Variants in MEIS2 observed in about 807,000 individuals in gnomAD.
MEIS2 encodes the protein Meis homeobox 2.
Under a neutral mutation model 58.6 loss-of-function variants are expected in MEIS2, and 9 were observed. That is an observed-to-expected ratio of 0.15 (90% CI 0.09 to 0.27). The LOEUF is 0.27. Among genes scored for constraint, MEIS2 ranks in the 10% least tolerant of loss-of-function variants. The pLI, the probability that MEIS2 is intolerant of heterozygous loss-of-function variation, is 1.00. For synonymous variants in MEIS2, 221 were observed against 228.4 expected (o/e 0.97, Z 0.29); for missense variants, 427 against 635.0 (o/e 0.67, Z 3.52).
intron 8 of MEIS2, among the ~76,000 whole-genome samples, chr15:36,980,327 G>T (rs373008196): frequency 6.6e-6 from 1 of 151,946 alleles, no homozygotes; most frequent in Non-Finnish European, 1.5e-5. Context: ...TCGTTTTCAC[G>T]CTGCTAATAA....
intron 8 of MEIS2, among the ~76,000 whole-genome samples, chr15:37,032,416 GTTTC>G (rs2061968056): frequency 6.6e-6 from 1 of 152,118 alleles, no homozygotes; most frequent in African/African-American, 2.4e-5. Context: ...ATTGCTTGCT[GTTTC>G]TTTCTTTATC....
At chr15:37,085,963 A>G (rs564051815) in intron 6 of MEIS2, among the ~76,000 whole-genome samples, 1 of 152,200 alleles carries the variant, frequency 6.6e-6, no homozygotes, top group Non-Finnish European at 1.5e-5. Flanking sequence ...GAAAGAAAAG[A>G]AAAAGAAGCA....
intron 4 of MEIS2, chr15:37,095,064 G>A (rs1462548448): frequency 1.2e-5 from 2 of 167,926 alleles, no homozygotes; most frequent in Non-Finnish European, 2.6e-5. Context: ...CTGAGGCAGG[G>A]CCTTTGAAAG....
chr15:36,940,335 TA>T (rs769390189), intron 9 of MEIS2, among the ~76,000 whole-genome samples: 3 of 152,162 alleles, frequency 2.0e-5, no homozygotes, highest in Non-Finnish European at 4.4e-5. Context: ...TCATTCTCCA[TA>T]AGCGCCATTT....
chr15:36,977,065 G>A (rs2059783904), intron 8 of MEIS2, among the ~76,000 whole-genome samples: 1 of 152,188 alleles, frequency 6.6e-6, no homozygotes, highest in Non-Finnish European at 1.5e-5. Context: ...GGTGGAGGTT[G>A]CAGTGAGCCA....
At chr15:36,919,233 A>G (rs998567625) in intron 9 of MEIS2, among the ~76,000 whole-genome samples, 1 of 152,214 alleles carries the variant, frequency 6.6e-6, no homozygotes, top group African/African-American at 2.4e-5. Context: ...ATATTTGGAT[A>G]AATTTTTGGA....
intron 6 of MEIS2, among the ~76,000 whole-genome samples, chr15:37,092,558 C>T (rs1473909209): frequency 6.6e-6 from 1 of 152,000 alleles, no homozygotes; most frequent in Non-Finnish European, 1.5e-5. Flanking sequence ...ACCCTGTCCC[C>T]CATTTCCAGG....
intron 9 of MEIS2, among the ~76,000 whole-genome samples, chr15:36,948,686 G>A (rs2058657355): frequency 6.6e-6 from 1 of 151,982 alleles, no homozygotes; most frequent in African/African-American, 2.4e-5. Context: ...GAGCAAACAA[G>A]TCTCCTGTAG....
At chr15:37,011,019 A>G (rs75272087) in intron 8 of MEIS2, among the ~76,000 whole-genome samples, 5,872 of 152,312 alleles carry the variant, frequency 0.039, 271 homozygotes, top group East Asian at 0.19. Context: ...AAACAAAACA[A>G]TAGTCTATTG....
At chr15:36,964,548 A>G (rs929883409) in intron 8 of MEIS2, among the ~76,000 whole-genome samples, 3 of 152,246 alleles carry the variant, frequency 2.0e-5, no homozygotes, top group African/African-American at 4.8e-5. Flanking sequence ...ATTCATTTAC[A>G]TTAATGAAAA....
chr15:37,101,303 CGTGTGTGTGTGTGTGTGTGTGTGTGTGT>C (rs371810726), upstream of MEIS2: 2 of 128,442 alleles, frequency 1.6e-5, no homozygotes, highest in African/African-American at 3.0e-5. Flanking sequence ...TAGCCAAAGG[CGTGTGTGTGTGTGTGTGTGTGTGTGTGT>C]GTGTGTGTGT....
rs761532678 is a variant in MEIS2 at position 37,096,346 on chromosome 15, G to A, written c.330C>T (p.Gly110=). ...AGGAGTCGGAGGAGCAGACGTCTCCGCCAGCCACTCCAGGTTCCCGGGGAG... is the reference window on the plus strand; with the variant it reads ...AGGAGTCGGAGGAGCAGACGTCTCCACCAGCCACTCCAGGTTCCCGGGGAG... ...TCTPREPGVA[G]GDVCSSDSFN... The change falls in exon 3 of 12, where the codon GGC becomes GGT. Residue 110 remains glycine (G), a synonymous_variant. Coordinates refer to ENST00000561208, the MANE Select transcript of MEIS2 (RefSeq NM_170675.5). The A allele has an allele frequency of 3.8e-6, 6 of 1,597,776 alleles. No homozygotes were observed. In the African/African-American group the frequency reaches 8.0e-5, roughly 21 times the overall value.
intron 8 of MEIS2, among the ~76,000 whole-genome samples, chr15:36,959,111 CG>C (rs1477427154): frequency 2.6e-5 from 4 of 152,128 alleles, no homozygotes; most frequent in African/African-American, 9.7e-5. Flanking sequence ...CTGAGGTTGA[CG>C]GAGGCAAAAT....
intron 9 of MEIS2, among the ~76,000 whole-genome samples, chr15:36,909,468 T>G (rs1595700124): frequency 6.6e-6 from 1 of 152,200 alleles, no homozygotes; most frequent in Non-Finnish European, 1.5e-5. Context: ...AAAAGAGCCC[T>G]GAGTTTAAGG....
intron 8 of MEIS2, among the ~76,000 whole-genome samples, chr15:36,951,053 A>T (rs1196188351): frequency 1.3e-5 from 2 of 152,276 alleles, no homozygotes; most frequent in East Asian, 3.9e-4. Context: ...GGAGCCAATT[A>T]TGTGCAATAC....
chr15:36,923,603 C>T (rs1159303683), intron 9 of MEIS2, among the ~76,000 whole-genome samples: 2 of 152,202 alleles, frequency 1.3e-5, no homozygotes, highest in African/African-American at 4.8e-5. Flanking sequence ...TAGATCACCA[C>T]TAGCTGAGAT....
intron 1 of MEIS2, chr15:37,099,124 T>C (rs1894775361): frequency 9.3e-7 from 1 of 1,077,930 alleles, no homozygotes. Context: ...GGAATCGCGC[T>C]GCTGGGGTAA....
At chr15:37,059,634 T>A (rs150652870) in intron 7 of MEIS2, among the ~76,000 whole-genome samples, 5 of 152,082 alleles carry the variant, frequency 3.3e-5, no homozygotes, top group African/African-American at 1.2e-4. Context: ...TTTTTTTTTT[T>A]AATTAAAAAA....
intron 10 of MEIS2, 50 bp from the exon 11 acceptor site, chr15:36,895,311 C>A (rs778697543): frequency 1.3e-6 from 2 of 1,511,060 alleles, no homozygotes; most frequent in Non-Finnish European, 1.8e-6. Flanking sequence ...AAAGATATAC[C>A]AAACAATCAG....
Sources: gnomAD v4.1 joint callset for allele counts (sites outside exome capture counted in the v4.1 genomes callset) on GRCh38, gnomAD v4.1.1 for gene constraint, MANE v1.5 for transcripts, NCBI Gene and HGNC (gene_info 2026-07-23, HGNC 2026-07-21) for gene names.